Variants in INF2 observed in about 807,000 individuals in gnomAD.
The protein encoded by INF2 is inverted formin 2.
In INF2, 43 loss-of-function variants were observed where a neutral mutation model predicts 123.5. The observed-to-expected ratio is 0.35, with a 90% CI of 0.27 to 0.45. INF2 has a LOEUF of 0.45. Ranked by LOEUF, INF2 falls within the 20% of genes least tolerant of loss-of-function variation. The pLI, the probability that INF2 is intolerant of heterozygous loss-of-function variation, is 1.00. For missense variants in INF2, 1,453 were observed against 1,682.7 expected (o/e 0.86, Z 2.39); for synonymous variants, 851 against 745.0 (o/e 1.14, Z -2.32).
Position 104,706,161 on chromosome 14 carries a change from C to G in INF2, c.828C>G (p.Ala276=), listed in dbSNP as rs1250939903. The change falls in exon 6 of 23, where the codon GCC becomes GCG. Residue 276 remains alanine (A), a synonymous_variant. Transcript: ENST00000392634. ...VDMSSHQEVF[A]SLFHKVSCSP... The stretch of plus-strand genomic sequence containing the variant: ...TGAGCAGCCACCAGGAGGTCTTTGC[C>G]TCCCTGTTCCACAAGGTGGGCTGGG... The G allele has an allele frequency of 6.3e-7, 1 of 1,586,756 alleles. No individual in the cohort carries two copies. Among genetic ancestry groups the G allele is most frequent in the East Asian group, 2.3e-5 (1 of 43,584 alleles).
chr14:104,685,219 C>T (rs531143488), upstream of INF2, among the ~76,000 whole-genome samples: 3 of 152,300 alleles, frequency 2.0e-5, no homozygotes, highest in East Asian at 1.9e-4. Flanking sequence ...CCCCACCCAC[C>T]GTCCCTTCTA....
rs1161593322 is a variant in INF2, at chr14:104,703,106, C to T, written c.393C>T (p.Ala131=). The T allele has an allele frequency of 6.2e-7, 1 of 1,612,864 alleles. No homozygotes were observed. Among genetic ancestry groups the T allele is most frequent in the South Asian group, 1.1e-5 (1 of 91,050 alleles). ...NQGYVRQLSQ[A]LDTSNVMVKK... is the part of the protein sequence containing the mutation. ...AGCCTGCCCACTCCACCCTGGCAGC[C>T]CTGGACACATCCAACGTGATGGTGA... Residue 131 remains alanine, a splice_region_variant and synonymous_variant, in exon 3 of 23, where the codon GCC becomes GCT. Coordinates refer to ENST00000392634, the MANE Select transcript of INF2 (RefSeq NM_022489.4).
In INF2 at chr14:104,699,488, C is replaced by G; in HGVS notation, c.-9-1869C>G. ...CTGCCTGGGAGGGACCCGGCTGTCT[C>G]TGGCAGCTCAGCGGTCAGCAGCGAT... On this transcript the variant is annotated intron_variant, in intron 1 of 22. Transcript: ENST00000392634. The surrounding 1 kb of genome is among the most constrained non-coding windows in gnomAD (Gnocchi z 4.7). 1.0e-6 allele frequency: 1 copy of G among 985,324 alleles called. No individual in the cohort carries two copies. The highest frequency in any genetic ancestry group is 1.7e-5 in the African/African-American group (1 of 57,320). The allele number at this position is 985,324 out of a possible 1,614,324, so 61.0% of individuals were successfully genotyped here.
chr14:104,716,558 C>G (rs1406003183), intron 22 of INF2, among the ~76,000 whole-genome samples: 3 of 152,232 alleles, frequency 2.0e-5, no homozygotes, highest in Admixed American at 2.0e-4. Flanking sequence ...ATGGACGTGT[C>G]CAGTGCCAGC....
intron 1 of INF2, among the ~76,000 whole-genome samples, chr14:104,697,897 G>C (rs1444972167): frequency 6.6e-6 from 1 of 152,136 alleles, no homozygotes. Context: ...CGGGGGGGGT[G>C]GATGGGACGC....
rs2140648862 is a variant in INF2 at position 104,703,444 on chromosome 14, C to T, written c.657C>T (p.Asn219=). The change falls in exon 4 of 23, where the codon AAC becomes AAT. Residue 219 remains asparagine (N), a synonymous_variant. Transcript: ENST00000392634. ...EDLRARTQLR[N]EFIGLQLLDV... ...TGCGCGCGCGCACCCAGCTGCGGAA[C>T]GAGTTTATCGGTAAGCACCTGCCCT... is the stretch of plus-strand genomic sequence containing the variant. 1.2e-6 allele frequency: 2 copies of T among 1,612,166 alleles called. No homozygotes were observed. Among genetic ancestry groups the T allele is most frequent in the East Asian group, 2.2e-5 (1 of 44,876 alleles).
At chr14:104,689,112 TGG>T (rs1407514527), upstream of INF2, 1 of 707,300 alleles carries the variant, frequency 1.4e-6, no homozygotes, top group African/African-American at 1.9e-5. Flanking sequence ...GGAGGCCACA[TGG>T]GTGGCCTGGT....
rs866647973 is a variant in INF2 at position 104,707,739 on chromosome 14, C to A, written c.1472C>A (p.Pro491His). ...TCCTGTGAGTTCCTGCCCCCACCACCTCCACCACTCCCGGGCTTGGGATGC... is the reference window on the plus strand; with the variant it reads ...TCCTGTGAGTTCCTGCCCCCACCACATCCACCACTCCCGGGCTTGGGATGC... ...PGSCEFLPPP[P>H]PPLPGLGCPP... The change falls in exon 8 of 23, where the codon CCT (proline) becomes CAT (histidine). Residue 491 changes from proline to histidine, a missense_variant. Transcript: ENST00000392634. 3.7e-6 allele frequency: 5 copies of A among 1,353,282 alleles called. No homozygotes were observed. In the African/African-American group the frequency reaches 7.6e-5, roughly 21 times the overall value. 83.8% of individuals were successfully genotyped at this position (1,353,282 alleles called of 1,614,324 possible). A position where few individuals can be genotyped will look rare whatever the true frequency, so the allele number is the denominator to read the frequency against.
chr14:104,707,241 C>T lies in INF2; in HGVS notation c.986-12C>T. 1.2e-6 allele frequency: 2 copies of T among 1,603,970 alleles called. No homozygotes were observed. Among genetic ancestry groups the T allele is most frequent in the Non-Finnish European group, 1.7e-6 (2 of 1,175,400 alleles). The stretch of plus-strand genomic sequence containing the variant: ...TCCCTTCTCCCTTGACCCTGGACAT[C>T]CCCTACTGCAGCCCAGGAATGCACC... On this transcript the variant is annotated splice_polypyrimidine_tract_variant and intron_variant, in intron 7 of 22. Coordinates refer to ENST00000392634, the MANE Select transcript of INF2 (RefSeq NM_022489.4).
intron 8 of INF2, 61 bp downstream of exon 8, chr14:104,708,063 G>A (rs1889869146): frequency 3.8e-6 from 6 of 1,595,996 alleles, no homozygotes; most frequent in Admixed American, 3.4e-5. Context: ...TCTCTGCTGG[G>A]GAGAGGGGCA....
In INF2 at chr14:104,714,271, G is replaced by T; in HGVS notation, c.3109G>T (p.Asp1037Tyr). Residue 1037 changes from aspartate to tyrosine, a missense_variant, in exon 21 of 23, where the codon GAT becomes TAT. Coordinates refer to ENST00000392634, the MANE Select transcript of INF2 (RefSeq NM_022489.4). Reference sequence around the variant, plus strand: ...CTGTCCCGCCTCTGAGCCCGGCCTTGATGCTACAACAGCCAGCGAGTCCCG... The same window carrying T: ...CTGTCCCGCCTCTGAGCCCGGCCTTTATGCTACAACAGCCAGCGAGTCCCG... ...TRCPASEPGL[D>Y]ATTASESRGW... is the part of the protein sequence containing the mutation. 6.3e-7 allele frequency: 1 copy of T among 1,595,088 alleles called. No individual in the cohort carries two copies. Among genetic ancestry groups the T allele is most frequent in the South Asian group, 1.1e-5 (1 of 87,992 alleles).
At chr14:104,706,797 T>A (rs567464683) in intron 6 of INF2, 113 bp from the exon 7 acceptor site, 1 of 1,191,970 alleles carries the variant, frequency 8.4e-7, no homozygotes, top group African/African-American at 1.5e-5. Context: ...TCTCTAGGGA[T>A]CCGTGGGAAT....
rs1889819583 is a variant in INF2, at chr14:104,707,168, C to T, written c.986-85C>T. ...CCCATCCTCTGCCCAGGGGAGGTGG[C>T]CGCTTTTTCCTGCCTCTTCCTCAAG... On this transcript the variant is annotated intron_variant, in intron 7 of 22. Transcript: ENST00000392634. 5 of 1,509,538 alleles carry T rather than the reference C, an allele frequency of 3.3e-6. No individual in the cohort carries two copies. In the South Asian group the frequency reaches 5.0e-5, roughly 15 times the overall value. The allele number at this position is 1,509,538 out of a possible 1,614,324, so 93.5% of individuals were successfully genotyped here.
upstream of INF2, chr14:104,689,233 G>A: frequency 2.0e-6 from 2 of 985,396 alleles, no homozygotes; most frequent in Non-Finnish European, 2.4e-6. Flanking sequence ...GTCCCGGGCC[G>A]GGGCAGAGAG....
upstream of INF2, among the ~76,000 whole-genome samples, chr14:104,688,962 G>T (rs1036911690): frequency 6.6e-6 from 1 of 152,248 alleles, no homozygotes; most frequent in African/African-American, 2.4e-5. Context: ...GGACAGCAGA[G>T]GGGTGGCAGA....
At chr14:104,717,856 C>T (rs1000302404) in intron 22 of INF2, among the ~76,000 whole-genome samples, 9 of 152,022 alleles carry the variant, frequency 5.9e-5, no homozygotes, top group Non-Finnish European at 1.0e-4. Context: ...CTGTGTTCGC[C>T]GCCCCTCGTC....
Position 104,712,660 on chromosome 14 carries a change from G to A in INF2, c.2610+107G>A, listed in dbSNP as rs948570585. ...GGCTCCAGGGTGGATCCTGGGGCCC[G>A]AGTTTCCCCAGGTGTGCATGGTCAG... On this transcript the variant is annotated intron_variant, in intron 17 of 22. Coordinates refer to ENST00000392634, the MANE Select transcript of INF2 (RefSeq NM_022489.4). The A allele has an allele frequency of 1.0e-5, 16 of 1,558,014 alleles. No homozygotes were observed. The African/African-American group carries it at 1.2e-4, about 12-fold the overall frequency.
intron 22 of INF2, chr14:104,716,058 A>G (rs1207519854): frequency 4.7e-6 from 2 of 428,212 alleles, no homozygotes; most frequent in Non-Finnish European, 9.4e-6. Flanking sequence ...ATCCAGCTAG[A>G]CAGGACCAGC....
chr14:104,699,999 G>A lies in INF2; in HGVS notation c.-9-1358G>A, dbSNP rs1003289840. 7.9e-5 allele frequency among the ~76,000 whole-genome samples: 12 copies of A among 152,122 alleles called. No individual in the cohort carries two copies. The highest frequency in any genetic ancestry group is 2.4e-4 in the African/African-American group (10 of 41,418). ...ACTGCCGGAAACACCAGGCTTGGTC[G>A]TGGACCAGGCTGGGGAGTGGGCCTG... On this transcript the variant is annotated intron_variant, in intron 1 of 22. Coordinates refer to ENST00000392634, the MANE Select transcript of INF2 (RefSeq NM_022489.4). This position sits in a 1 kb window ranked among gnomAD's most constrained non-coding sequence, Gnocchi z 4.7.
Sources: gnomAD v4.1 joint callset for allele counts (sites outside exome capture counted in the v4.1 genomes callset) on GRCh38, gnomAD v4.1.1 for gene constraint, Gnocchi (gnomAD v3.1) non-coding constraint, MANE v1.5 for transcripts, NCBI Gene and HGNC (gene_info 2026-07-23, HGNC 2026-07-21) for gene names.